The following IQCM variants were observed in gnomAD, a reference collection of about 807,000 sequenced individuals.
IQCM encodes IQ domain-containing protein M.
A neutral mutation model predicts 57.6 loss-of-function variants in IQCM; 45 were observed. The ratio of observed to expected loss-of-function variants is 0.78; its 90% confidence interval spans 0.62 to 1.00. IQCM has a LOEUF of 1.00. IQCM is among the 50% of genes least tolerant of loss of function. The pLI, the probability that IQCM is intolerant of heterozygous loss-of-function variation, is 0.00. For synonymous variants in IQCM, 148 were observed against 158.9 expected (o/e 0.93, Z 0.51); for missense variants, 468 against 511.6 (o/e 0.91, Z 0.82).
chr4:149,414,014 T>C (rs1733573116), intron 13 of IQCM, among the ~76,000 whole-genome samples: 1 of 152,232 alleles, frequency 6.6e-6, no homozygotes, highest in Admixed American at 6.5e-5. Context: ...AAAACATTTC[T>C]AGTTCTAGTA....
chr4:149,354,313 G>T (rs1245027053), intron 13 of IQCM, among the ~76,000 whole-genome samples: 3 of 118,536 alleles, frequency 2.5e-5, no homozygotes. Context: ...GCAGTGAGCC[G>T]AGATCCCGCC....
intron 2 of IQCM, among the ~76,000 whole-genome samples, chr4:149,747,646 A>G (rs1292323133): frequency 2.0e-5 from 3 of 152,230 alleles, no homozygotes; most frequent in African/African-American, 7.2e-5. Flanking sequence ...TTATAATTAC[A>G]TAATTAAACT....
chr4:149,661,207 G>T (rs1322306166), intron 7 of IQCM, among the ~76,000 whole-genome samples: 2 of 151,970 alleles, frequency 1.3e-5, no homozygotes, highest in Non-Finnish European at 2.9e-5. Context: ...TAAAAATTTT[G>T]AAATTATCAT....
intron 13 of IQCM, among the ~76,000 whole-genome samples, chr4:149,367,862 T>C (rs1248773847): frequency 6.6e-6 from 1 of 152,100 alleles, no homozygotes. Flanking sequence ...CTAAAAGCTG[T>C]CAATCTCACT....
chr4:149,727,818 G>A (rs1208530806), intron 5 of IQCM, among the ~76,000 whole-genome samples: 3 of 152,146 alleles, frequency 2.0e-5, no homozygotes, highest in African/African-American at 7.2e-5. Flanking sequence ...ATGAGCCCAA[G>A]AGGATTTCAG....
chr4:149,538,277 G>A (rs965689726), intron 12 of IQCM, among the ~76,000 whole-genome samples: 5 of 151,668 alleles, frequency 3.3e-5, no homozygotes, highest in Non-Finnish European at 7.4e-5. Flanking sequence ...TTGAAGCAAA[G>A]TGACTACGTT....
intron 2 of IQCM, among the ~76,000 whole-genome samples, chr4:149,812,480 T>TCACACACACA (rs1412777680): frequency 2.2e-5 from 3 of 138,810 alleles, no homozygotes; most frequent in Non-Finnish European, 4.7e-5. Context: ...TCTCTCTCTC[T>TCACACACACA]CACACACACA....
rs146748138 is a variant in IQCM at position 149,805,595 on chromosome 4, T to G, written c.-49+9716A>C. 4.3e-3 allele frequency among the ~76,000 whole-genome samples: 656 copies of G among 152,170 alleles called. 3 individuals are homozygous for G. Among genetic ancestry groups the G allele is most frequent in the Non-Finnish European group, 6.9e-3 (472 of 67,940 alleles). On this transcript the variant is annotated intron_variant, in intron 2 of 13. Transcript: ENST00000636793. ...TTTCATTTAGATCAGATAAGGCTTT[T>G]AAAACAACTTTGTATATTTTTAATT...
chr4:149,735,479 C>T, intron 3 of IQCM, 21 bp from the exon 4 acceptor site: 1 of 1,089,380 alleles, frequency 9.2e-7, no homozygotes, highest in Non-Finnish European at 1.2e-6. Context: ...AACAGAGAAA[C>T]ATTTTTTAAG....
At chr4:149,677,425 C>T (rs1425878518) in intron 7 of IQCM, among the ~76,000 whole-genome samples, 1 of 152,040 alleles carries the variant, frequency 6.6e-6, no homozygotes, top group Non-Finnish European at 1.5e-5. Context: ...AGTAGCACTC[C>T]AAACACTTGC....
At chr4:149,466,942 G>T (rs1160739483) in intron 12 of IQCM, among the ~76,000 whole-genome samples, 1 of 152,080 alleles carries the variant, frequency 6.6e-6, no homozygotes, top group Non-Finnish European at 1.5e-5. Context: ...TTTTCTAAGG[G>T]CACTAATCCC....
At chr4:149,643,197 C>A (rs1758351903) in intron 7 of IQCM, among the ~76,000 whole-genome samples, 1 of 152,170 alleles carries the variant, frequency 6.6e-6, no homozygotes. Context: ...TTATTGTCTA[C>A]AACCTCAGCA....
rs568349627 is a variant in IQCM, at chr4:149,363,787, T to A, written c.1391-11721A>T. Among the ~76,000 whole-genome samples, 23 of 152,326 alleles carry A rather than the reference T, an allele frequency of 1.5e-4. No homozygotes were observed. In the South Asian group the frequency reaches 4.8e-3, roughly 32 times the overall value. On this transcript the variant is annotated intron_variant, in intron 13 of 13. Coordinates refer to ENST00000636793, the MANE Select transcript of IQCM (RefSeq NM_001363507.2). ...CAAACATGGAAGACATATAGCTATT[T>A]AATAAACATAGCTACTTAAATTGAA...
intron 2 of IQCM, among the ~76,000 whole-genome samples, chr4:149,759,024 A>G (rs1426381513): frequency 6.6e-6 from 1 of 152,120 alleles, no homozygotes; most frequent in Non-Finnish European, 1.5e-5. Context: ...TTTATTCATA[A>G]TTGCTAAAAC....
chr4:149,530,664 T>A (rs1364695850), intron 12 of IQCM, among the ~76,000 whole-genome samples: 1 of 152,166 alleles, frequency 6.6e-6, no homozygotes, highest in African/African-American at 2.4e-5. Context: ...AGGGGCCTGA[T>A]TCAGATAAGA....
intron 13 of IQCM, among the ~76,000 whole-genome samples, chr4:149,381,720 A>AGTATGTATGTAT (rs60955059): frequency 2.8e-4 from 41 of 146,494 alleles, no homozygotes; most frequent in African/African-American, 3.0e-4. Flanking sequence ...TTTCCCCCAT[A>AGTATGTATGTAT]GTATGTATGT....
intron 12 of IQCM, among the ~76,000 whole-genome samples, chr4:149,512,186 G>A (rs1341533558): frequency 6.6e-6 from 1 of 152,156 alleles, no homozygotes; most frequent in Non-Finnish European, 1.5e-5. Context: ...TACTTCATGG[G>A]AAATATAAAT....
intron 7 of IQCM, among the ~76,000 whole-genome samples, chr4:149,661,881 TC>T (rs1337856499): frequency 6.6e-6 from 1 of 152,038 alleles, no homozygotes; most frequent in Non-Finnish European, 1.5e-5. Context: ...TGGTTATGTT[TC>T]TTAAAAAAGT....
At chr4:149,732,179 T>A (rs1177305852) in intron 5 of IQCM, among the ~76,000 whole-genome samples, 1 of 152,298 alleles carries the variant, frequency 6.6e-6, no homozygotes, top group East Asian at 1.9e-4. Context: ...TAAGTTCAAA[T>A]TCTAGGTCTA....
Sources: allele counts gnomAD v4.1 joint callset (sites outside exome capture counted in the v4.1 genomes callset), GRCh38; gene constraint gnomAD v4.1.1; transcripts MANE v1.5; gene names NCBI Gene and HGNC (gene_info 2026-07-23, HGNC 2026-07-21).